Variants in MYLK4 observed in about 807,000 individuals in gnomAD.
MYLK4 encodes myosin light chain kinase family member 4.
Under a neutral mutation model 48.1 loss-of-function variants are expected in MYLK4, and 46 were observed. The ratio of observed to expected loss-of-function variants is 0.96; its 90% CI spans 0.75 to 1.22. MYLK4 has a LOEUF of 1.22. MYLK4 is among the 50% of genes most tolerant of loss of function. The pLI, the probability that MYLK4 is intolerant of heterozygous loss-of-function variation, is 0.00. For synonymous variants in MYLK4, 170 were observed against 180.8 expected, an observed-to-expected ratio of 0.94 and a Z score of 0.48; for missense variants, 451 against 486.1, an observed-to-expected ratio of 0.93 and a Z score of 0.68.
In MYLK4 at chr6:2,749,264, T is replaced by G; in HGVS notation, c.31A>C (p.Asn11His). 1 of 1,614,090 alleles carries G rather than the reference T, an allele frequency of 6.2e-7. No individual in the cohort carries two copies. Among genetic ancestry groups the G allele is most frequent in the South Asian group, 1.1e-5 (1 of 91,080 alleles). The change falls in exon 2 of 13, where the codon AAC (asparagine) becomes CAC (histidine). Residue 11 changes from asparagine to histidine, a missense_variant. Physicochemically the swap from Asn to His is moderately conservative, Grantham distance 68. Coordinates refer to ENST00000274643, the MANE Select transcript of MYLK4 (RefSeq NM_001012418.5). ...AGCTGGTTGCTGTTATAACACGTGT[T>G]GAATTCTTCCAGCCTCTTCACTTTT... Reference protein sequence around the residue: MLKVKRLEEFNTCYNSNQLEK... With the variant: MLKVKRLEEFHTCYNSNQLEK...
At chr6:2,759,098 A>G in the MYLK4 span, among the ~76,000 whole-genome samples, 147 of 152,278 alleles carry the variant, frequency 9.7e-4, no homozygotes, top group African/African-American at 3.4e-3. Flanking sequence ...TTCTCTTACT[A>G]AAGAGTTGAA....
intron 2 of MYLK4, 88 bp from the exon 3 acceptor site, chr6:2,692,947 C>T: frequency 8.2e-7 from 1 of 1,220,286 alleles, no homozygotes; most frequent in Non-Finnish European, 1.2e-6. Context: ...CTGGATGATT[C>T]CGTGTGGTGG....
rs1450145769 is a variant in MYLK4, at chr6:2,664,821, A to T, written c.*3104T>A. Reference sequence around the variant, plus strand: ...CTTCAACCTAGAAATTGTTTCCCCAAGTTAGTTCAGATGAGAGTCTCGTCC... The same window carrying T: ...CTTCAACCTAGAAATTGTTTCCCCATGTTAGTTCAGATGAGAGTCTCGTCC... On this transcript the variant is annotated 3_prime_UTR_variant, in exon 13 of 13. Coordinates refer to ENST00000274643, the MANE Select transcript of MYLK4 (RefSeq NM_001012418.5). The T allele has an allele frequency of 4.6e-5, 7 of 152,346 alleles. No individual in the cohort carries two copies. The highest frequency in any genetic ancestry group is 6.5e-5 in the Admixed American group (1 of 15,302). 9.4% of individuals were successfully genotyped at this position (152,346 alleles called of 1,614,324 possible).
chr6:2,767,282 C>T, the MYLK4 span, among the ~76,000 whole-genome samples: 1 of 152,190 alleles, frequency 6.6e-6, no homozygotes, highest in Non-Finnish European at 1.5e-5. Flanking sequence ...TGCTTAAATA[C>T]AGGATGCTTT....
intron 2 of MYLK4, among the ~76,000 whole-genome samples, chr6:2,709,262 A>G (rs1762592733): frequency 1.3e-5 from 2 of 152,214 alleles, no homozygotes; most frequent in Admixed American, 1.3e-4. Context: ...TCATGCTGTA[A>G]GGATCTCAAA....
upstream of MYLK4, among the ~76,000 whole-genome samples, chr6:2,755,692 C>A (rs1320655044): frequency 6.6e-6 from 1 of 152,156 alleles, no homozygotes; most frequent in Admixed American, 6.5e-5. Context: ...GCAGGCACCA[C>A]CACACCAGGC....
intron 4 of MYLK4, among the ~76,000 whole-genome samples, chr6:2,687,431 G>T (rs1761603414): frequency 6.6e-6 from 1 of 152,160 alleles, no homozygotes; most frequent in Non-Finnish European, 1.5e-5. Flanking sequence ...TGCCCAAACA[G>T]ACAGAAAGGA....
chr6:2,713,833 C>T (rs921426007), intron 2 of MYLK4, among the ~76,000 whole-genome samples: 3 of 152,164 alleles, frequency 2.0e-5, no homozygotes, highest in African/African-American at 7.2e-5. Flanking sequence ...AGTAGAGAAA[C>T]CGGCTTGGTA....
At chr6:2,720,671 A>T (rs541274845) in intron 2 of MYLK4, among the ~76,000 whole-genome samples, 37 of 152,276 alleles carry the variant, frequency 2.4e-4, no homozygotes, top group African/African-American at 8.4e-4. Flanking sequence ...GAATAAAAAG[A>T]AATTATTGGA....
intron 2 of MYLK4, among the ~76,000 whole-genome samples, chr6:2,694,555 T>TGA (rs1761972598): frequency 2.4e-5 from 3 of 124,870 alleles, no homozygotes; most frequent in Non-Finnish European, 1.7e-5. Flanking sequence ...GTGGTGGTAG[T>TGA]CGTGGTGGTA....
chr6:2,682,972 G>A (rs781092256), intron 7 of MYLK4, 49 bp downstream of exon 7: 2 of 1,610,882 alleles, frequency 1.2e-6, no homozygotes, highest in South Asian at 2.2e-5. Flanking sequence ...GGCCCACTGT[G>A]CAAGAGCTGG....
intron 3 of MYLK4, 129 bp from the exon 4 acceptor site, chr6:2,689,085 C>A: frequency 1.4e-6 from 1 of 692,792 alleles, no homozygotes; most frequent in East Asian, 2.6e-5. Flanking sequence ...TGTTTGATTC[C>A]TAATGATCCA....
intron 2 of MYLK4, among the ~76,000 whole-genome samples, chr6:2,701,149 C>T (rs75440268): frequency 3.9e-5 from 6 of 152,256 alleles, no homozygotes; most frequent in East Asian, 1.9e-4. Context: ...GGAATGTTTT[C>T]GCATGAAGTT....
chr6:2,728,024 A>G (rs1325606811), intron 2 of MYLK4, among the ~76,000 whole-genome samples: 1 of 151,688 alleles, frequency 6.6e-6, no homozygotes, highest in Non-Finnish European at 1.5e-5. Context: ...TTTAATGCTC[A>G]CCTCAACCTT....
chr6:2,739,550 A>C (rs982885542), intron 2 of MYLK4, among the ~76,000 whole-genome samples: 14 of 152,222 alleles, frequency 9.2e-5, no homozygotes, highest in Non-Finnish European at 1.6e-4. Flanking sequence ...TGTGCATCTG[A>C]AACCCCAAGT....
intron 2 of MYLK4, among the ~76,000 whole-genome samples, chr6:2,707,163 A>G (rs577090928): frequency 1.7e-4 from 26 of 152,278 alleles, no homozygotes; most frequent in African/African-American, 6.3e-4. Flanking sequence ...GTCCTAAGCT[A>G]TTTCAACCAA....
chr6:2,725,104 T>G (rs531914234), intron 2 of MYLK4, among the ~76,000 whole-genome samples: 2 of 152,188 alleles, frequency 1.3e-5, no homozygotes, highest in South Asian at 4.1e-4. Flanking sequence ...TGAGCCGAGA[T>G]AGCCCCACTG....
At chr6:2,765,563 C>T in the MYLK4 span, 59 of 1,395,854 alleles carry the variant, frequency 4.2e-5, no homozygotes, top group Middle Eastern at 2.6e-4. Flanking sequence ...GCATCGAAGG[C>T]CTCCGCGTGC....
At chr6:2,762,745 C>T in the MYLK4 span, among the ~76,000 whole-genome samples, 1,568 of 152,278 alleles carry the variant, frequency 0.01, 26 homozygotes, top group African/African-American at 0.035. Flanking sequence ...TGCAGAGTTT[C>T]TTCTTTCTGG....
Sources: gnomAD v4.1 joint callset for allele counts (sites outside exome capture counted in the v4.1 genomes callset) on GRCh38, gnomAD v4.1.1 for gene constraint, MANE v1.5 for transcripts, NCBI Gene and HGNC (gene_info 2026-07-23, HGNC 2026-07-21) for gene names.